Variants in KIFC3 observed in about 807,000 individuals in gnomAD.
The protein encoded by KIFC3 is kinesin family member C3.
In KIFC3, 60 loss-of-function variants were observed where a neutral mutation model predicts 101.8. The ratio of observed to expected loss-of-function variants is 0.59; its 90% CI spans 0.48 to 0.73. The LOEUF is 0.73. Ranked by LOEUF, KIFC3 falls within the 30% of genes least tolerant of loss-of-function variation. KIFC3 has a pLI of 0.00. For missense variants in KIFC3, 966 were observed against 1,137.1 expected, an observed-to-expected ratio of 0.85 and a Z score of 2.16; for synonymous variants, 476 against 482.7, an observed-to-expected ratio of 0.99 and a Z score of 0.18.
At chr16:57,776,349 C>T (rs2052086188) in intron 3 of KIFC3, 1 of 985,296 alleles carries the variant, frequency 1.0e-6, no homozygotes, top group African/African-American at 1.8e-5. Flanking sequence ...GCCTATCTGT[C>T]CCCTGTCCAC....
At chr16:57,847,268 A>AAGGAAGGAAGG (rs1251452376) in intron 1 of KIFC3, among the ~76,000 whole-genome samples, 2 of 58,568 alleles carry the variant, frequency 3.4e-5, no homozygotes, top group African/African-American at 1.8e-4. Context: ...GGAAGGAAGG[A>AAGGAAGGAAGG]AGGGAAGGGA....
intron 16 of KIFC3, 73 bp downstream of exon 16, chr16:57,760,653 G>C (rs965168278): frequency 3.6e-6 from 5 of 1,373,052 alleles, no homozygotes; most frequent in Non-Finnish European, 5.2e-6. Context: ...GCACAGCCTG[G>C]GGTGACTGGG....
chr16:57,849,570 C>T (rs2056004975), intron 1 of KIFC3, among the ~76,000 whole-genome samples: 1 of 152,152 alleles, frequency 6.6e-6, no homozygotes, highest in Non-Finnish European at 1.5e-5. Flanking sequence ...AGAACGTAAA[C>T]TCACTGCCTC....
Position 57,810,736 on chromosome 16 carries a change from C to T in KIFC3, c.109-12454G>A, listed in dbSNP as rs61742569. On this transcript the variant is annotated intron_variant, in intron 1 of 2. Coordinates refer to the KIFC3 transcript ENST00000563028. ...GCCAGGCAAAGGGAAAAACTCTTTA[C>T]ACACAGGATTGCCTTTGCTTTCATT... is the stretch of plus-strand genomic sequence containing the variant. 3.3e-3 allele frequency: 3,218 copies of T among 960,730 alleles called. 113 individuals are homozygous for T. The African/African-American group carries it at 0.052, about 16-fold the overall frequency. The allele number at this position is 960,730 out of a possible 1,614,324, so 59.5% of individuals were successfully genotyped here.
chr16:57,803,007 G>A, upstream of KIFC3: 3 of 1,535,828 alleles, frequency 2.0e-6, no homozygotes, highest in Non-Finnish European at 2.6e-6. Context: ...ACGCGCTGGC[G>A]CACATGCACT....
chr16:57,821,999 C>T (rs2149278237), intron 1 of KIFC3, among the ~76,000 whole-genome samples: 1 of 152,236 alleles, frequency 6.6e-6, no homozygotes, highest in East Asian at 1.9e-4. Context: ...TCACTTGAGC[C>T]TGGGAGATCA....
At chr16:57,835,676 G>A (rs1385401308) in intron 1 of KIFC3, among the ~76,000 whole-genome samples, 2 of 152,108 alleles carry the variant, frequency 1.3e-5, no homozygotes, top group African/African-American at 2.4e-5. Context: ...CAGCCCAGGC[G>A]CAGTGGCTCA....
intron 1 of KIFC3, among the ~76,000 whole-genome samples, chr16:57,857,364 C>T (rs1409222741): frequency 2.7e-5 from 4 of 150,138 alleles, no homozygotes; most frequent in South Asian, 2.1e-4. Flanking sequence ...TTCTGACTTT[C>T]GTAAGTCTCC....
chr16:57,776,313 A>G (rs1182802220), intron 3 of KIFC3: 8 of 985,134 alleles, frequency 8.1e-6, no homozygotes, highest in Non-Finnish European at 9.6e-6. Flanking sequence ...AGAAGGCCTG[A>G]TCCTGGCTGT....
In KIFC3 at chr16:57,758,406, C is replaced by T. The variant is rs72795533; in HGVS notation, c.*528G>A. 12 of 357,966 alleles carry T rather than the reference C, an allele frequency of 3.4e-5. No homozygotes were observed. Among genetic ancestry groups the T allele is most frequent in the Non-Finnish European group, 6.0e-5 (11 of 183,008 alleles). 22.2% of individuals were successfully genotyped at this position (357,966 alleles called of 1,614,324 possible). A position where few individuals can be genotyped will look rare whatever the true frequency, so the allele number is the denominator to read the frequency against. ...ACAGCACGGCCCCGTGGCGGGAGGC[C>T]ATGCGCCTCCGCACACCCCCCAGCT... On this transcript the variant is annotated 3_prime_UTR_variant, in exon 20 of 20. Coordinates refer to ENST00000445690, the MANE Select transcript of KIFC3 (RefSeq NM_001130100.2).
chr16:57,821,224 G>A (rs531072142), intron 1 of KIFC3, among the ~76,000 whole-genome samples: 3 of 152,112 alleles, frequency 2.0e-5, no homozygotes, highest in Non-Finnish European at 4.4e-5. Flanking sequence ...CAAGGAGAGT[G>A]GTCTGGGAGA....
At chr16:57,810,328 T>C (rs1449457447) in intron 1 of KIFC3, among the ~76,000 whole-genome samples, 2 of 152,244 alleles carry the variant, frequency 1.3e-5, no homozygotes, top group African/African-American at 4.8e-5. Flanking sequence ...GCCTTTAAAC[T>C]GTAGCTTCGC....
chr16:57,839,866 G>A lies in KIFC3; in HGVS notation c.108+22863C>T, dbSNP rs78005217. On this transcript the variant is annotated intron_variant, in intron 1 of 2. Coordinates refer to the KIFC3 transcript ENST00000563028. ...GCAACTCATATTTGTCAATTTGACA[G>A]CTTCTCCACTATTTTAAGCACTTTC... 6.8e-3 allele frequency among the ~76,000 whole-genome samples: 1,034 copies of A among 152,184 alleles called. 19 individuals carry two copies. Among genetic ancestry groups the A allele is most frequent in the South Asian group, 0.043 (208 of 4,822 alleles).
chr16:57,823,797 G>C (rs1555630273), intron 1 of KIFC3, among the ~76,000 whole-genome samples: 4 of 146,570 alleles, frequency 2.7e-5, no homozygotes. Flanking sequence ...GTGTGTGTGT[G>C]TGTGTGTTTT....
intron 1 of KIFC3, among the ~76,000 whole-genome samples, chr16:57,801,327 A>G (rs143041081): frequency 1.6e-4 from 25 of 152,316 alleles, no homozygotes; most frequent in Admixed American, 3.3e-4. Flanking sequence ...GAAGTTGTAC[A>G]GGGAATGCCA....
rs796912890 is a variant in KIFC3 at position 57,847,277 on chromosome 16, G to GA, written c.108+15451dup. Among the ~76,000 whole-genome samples the GA allele has an allele frequency of 4.9e-3, 607 of 124,442 alleles. 17 individuals are homozygous for GA. Among genetic ancestry groups the GA allele is most frequent in the South Asian group, 7.9e-3 (26 of 3,286 alleles). The allele number at this position is 124,442 out of a possible 152,430, so 81.6% of individuals were successfully genotyped here. A position where few individuals can be genotyped will look rare whatever the true frequency, so the allele number is the denominator to read the frequency against. The stretch of plus-strand genomic sequence containing the variant: ...AAGGAAGGAAGGAAGGAAGGGAAGG[G>GA]AGGGAGGGAGAGAGGGCGGGGAGGG... On this transcript the variant is annotated intron_variant, in intron 1 of 2. Transcript: ENST00000563028.
intron 1 of KIFC3, among the ~76,000 whole-genome samples, chr16:57,833,260 C>T (rs2055620556): frequency 6.6e-6 from 1 of 152,080 alleles, no homozygotes; most frequent in Non-Finnish European, 1.5e-5. Context: ...GGGACAGTGG[C>T]TACCGTTTCC....
intron 1 of KIFC3, among the ~76,000 whole-genome samples, chr16:57,844,898 C>A (rs1307730014): frequency 1.3e-5 from 2 of 152,186 alleles, no homozygotes; most frequent in Non-Finnish European, 2.9e-5. Flanking sequence ...AATTAAAAGG[C>A]TTAGAGGACA....
chr16:57,769,232 C>T lies in KIFC3; in HGVS notation c.1218+363G>A, dbSNP rs1291587905. On this transcript the variant is annotated intron_variant, in intron 9 of 19. Coordinates refer to ENST00000445690, the MANE Select transcript of KIFC3 (RefSeq NM_001130100.2). This position sits in a 1 kb window ranked among gnomAD's most constrained non-coding sequence, Gnocchi z 4.3. The stretch of plus-strand genomic sequence containing the variant: ...TGTAATTTTAGTAGAGACGAAGTTT[C>T]GCCTTGTTGGCCAGGCTGGTCTCAA... Among the ~76,000 whole-genome samples the T allele has an allele frequency of 3.3e-5, 5 of 152,128 alleles. No individual in the cohort carries two copies. The highest frequency in any genetic ancestry group is 4.8e-5 in the African/African-American group (2 of 41,424).
Sources: allele counts gnomAD v4.1 joint callset (sites outside exome capture counted in the v4.1 genomes callset), GRCh38; gene constraint gnomAD v4.1.1; non-coding constraint Gnocchi (gnomAD v3.1); transcripts MANE v1.5; gene names NCBI Gene and HGNC (gene_info 2026-07-23, HGNC 2026-07-21).